SLIT3: variants seen among roughly 807,000 people sequenced by gnomAD.
SLIT3 encodes slit guidance ligand 3.
SLIT3 carries 68 observed loss-of-function variants against 184.0 expected under a neutral mutation model. That is an observed-to-expected ratio of 0.37 (90% CI 0.30 to 0.45). The LOEUF is 0.45. SLIT3 is among the 20% of genes least tolerant of loss of function. The probability of loss-of-function intolerance (pLI) is 1.00; values close to 1 mark genes in which losing one functional copy is unlikely to be tolerated. For missense variants in SLIT3, 1,707 were observed against 2,026.0 expected (o/e 0.84, Z 3.02); for synonymous variants, 831 against 828.6 (o/e 1.00, Z -0.05).
intron 4 of SLIT3, among the ~76,000 whole-genome samples, chr5:169,102,442 A>G (rs1440246399): frequency 3.3e-5 from 5 of 152,224 alleles, no homozygotes; most frequent in Non-Finnish European, 5.9e-5. Flanking sequence ...ATGGTATAGT[A>G]TTTGCATATA....
intron 4 of SLIT3, among the ~76,000 whole-genome samples, chr5:169,131,345 T>C (rs1471492480): frequency 3.9e-5 from 6 of 152,132 alleles, no homozygotes; most frequent in Non-Finnish European, 8.8e-5. Context: ...GAAATGCAGG[T>C]TCTCAGGCCC....
chr5:168,932,347 GACACACACAC>G (rs375350401), intron 4 of SLIT3, among the ~76,000 whole-genome samples: 5,866 of 131,116 alleles, frequency 0.045, 151 homozygotes, highest in African/African-American at 0.082. Flanking sequence ...AGGGGAAAAA[GACACACACAC>G]ACACACACAC....
intron 1 of SLIT3, among the ~76,000 whole-genome samples, chr5:169,284,772 T>TA (rs917395561): frequency 1.3e-5 from 2 of 152,232 alleles, no homozygotes; most frequent in African/African-American, 4.8e-5. Context: ...GTAATTTAGT[T>TA]AGAGCATTGA....
In SLIT3 at chr5:168,685,712, C is replaced by T. The variant is rs1370312145; in HGVS notation, c.3530G>A (p.Arg1177Gln). The T allele has an allele frequency of 7.0e-6, 11 of 1,569,240 alleles. No homozygotes were observed. The highest frequency in any genetic ancestry group is 2.7e-5 in the African/African-American group (2 of 74,532). ...SYVELASAKV[R>Q]PQANISLQVA... is the part of the protein sequence containing the mutation. ...CTGCAGGGAGATGTTGGCCTGGGGT[C>T]GGACCTTGGCGGAGGCCAGTTCCAC... The change falls in exon 31 of 36, where the codon CGA becomes CAA. Residue 1177 changes from arginine to glutamine, a missense_variant. By Grantham distance (43) the Arg-to-Gln change is conservative. This residue lies in a region of SLIT3 where 387 missense variants were observed against 477.9 expected (regional missense o/e 0.81). Transcript: ENST00000519560.
intron 1 of SLIT3, among the ~76,000 whole-genome samples, chr5:169,282,001 C>G (rs1012351761): frequency 6.6e-6 from 1 of 152,160 alleles, no homozygotes; most frequent in Non-Finnish European, 1.5e-5. Flanking sequence ...GACAGCCCAC[C>G]AAACAACAAA....
intron 1 of SLIT3, among the ~76,000 whole-genome samples, chr5:169,286,506 A>G (rs1274731784): frequency 6.6e-6 from 1 of 152,156 alleles, no homozygotes; most frequent in African/African-American, 2.4e-5. Flanking sequence ...GAGGATGCAT[A>G]GGGCTGAAAG....
rs562215621 is a variant in SLIT3, at chr5:169,064,919, G to C, written c.413+128560C>G. ...AGCTTCAGAGGACTTTTCCCTGGCA[G>C]TTTCGAAACTAGAACCCAGCCTAAT... On this transcript the variant is annotated intron_variant, in intron 4 of 35. Transcript: ENST00000519560. Among the ~76,000 whole-genome samples, 10 of 152,302 alleles carry C rather than the reference G, an allele frequency of 6.6e-5. No individual in the cohort carries two copies. In the South Asian group the frequency reaches 2.1e-3, roughly 32 times the overall value.
At chr5:169,268,724 C>T (rs1766491866) in intron 1 of SLIT3, among the ~76,000 whole-genome samples, 1 of 152,204 alleles carries the variant, frequency 6.6e-6, no homozygotes, top group Admixed American at 6.5e-5. Context: ...GCAGCACTTG[C>T]AGAACCTCAG....
chr5:169,144,125 T>C (rs1464313246), intron 4 of SLIT3, among the ~76,000 whole-genome samples: 1 of 152,212 alleles, frequency 6.6e-6, no homozygotes, highest in Non-Finnish European at 1.5e-5. Context: ...AGGGCCATTA[T>C]GGTATCTCTG....
At chr5:168,949,691 C>T (rs1762590398) in intron 4 of SLIT3, among the ~76,000 whole-genome samples, 2 of 152,132 alleles carry the variant, frequency 1.3e-5, no homozygotes, top group African/African-American at 4.8e-5. Flanking sequence ...CCTCAACTTC[C>T]TGGGCTCAGG....
chr5:168,706,249 G>A (rs181558920), intron 26 of SLIT3, among the ~76,000 whole-genome samples: 14 of 152,066 alleles, frequency 9.2e-5, no homozygotes, highest in Admixed American at 1.3e-4. Flanking sequence ...AGTGTATTGC[G>A]TACATTACTG....
intron 4 of SLIT3, among the ~76,000 whole-genome samples, chr5:168,898,139 G>A (rs945459485): frequency 4.6e-5 from 7 of 150,896 alleles, no homozygotes; most frequent in Non-Finnish European, 8.9e-5. Flanking sequence ...AGAATATATC[G>A]ATTCCTGCCC....
chr5:169,003,858 G>C (rs78036967), intron 4 of SLIT3, among the ~76,000 whole-genome samples: 2,026 of 152,234 alleles, frequency 0.013, 101 homozygotes, highest in East Asian at 0.096. Flanking sequence ...GCTTTGACAT[G>C]GTGGCTCTGG....
intron 4 of SLIT3, among the ~76,000 whole-genome samples, chr5:169,176,977 G>C (rs545845180): frequency 6.6e-6 from 1 of 152,326 alleles, no homozygotes; most frequent in Non-Finnish European, 1.5e-5. Context: ...TTGAGAACTG[G>C]AGGTTTAGAT....
chr5:168,794,205 C>A (rs1330554038), intron 10 of SLIT3, among the ~76,000 whole-genome samples: 1 of 152,158 alleles, frequency 6.6e-6, no homozygotes, highest in Non-Finnish European at 1.5e-5. Flanking sequence ...CGAGTCCATG[C>A]ATATTTCTAC....
chr5:169,065,545 T>C (rs1373678866), intron 4 of SLIT3, among the ~76,000 whole-genome samples: 1 of 152,196 alleles, frequency 6.6e-6, no homozygotes, highest in Non-Finnish European at 1.5e-5. Context: ...AGCCTGGCCA[T>C]CAAGACAGTC....
At chr5:168,771,499 A>G (rs1250195304) in intron 14 of SLIT3, among the ~76,000 whole-genome samples, 1 of 152,162 alleles carries the variant, frequency 6.6e-6, no homozygotes, top group Non-Finnish European at 1.5e-5. Flanking sequence ...CCTCTCCTAT[A>G]GAGCAAAGGG....
rs117264344 is a variant in SLIT3 at position 168,685,069 on chromosome 5, G to A, written c.3555+618C>T. On this transcript the variant is annotated intron_variant, in intron 31 of 35. Coordinates refer to ENST00000519560, the MANE Select transcript of SLIT3 (RefSeq NM_003062.4). The stretch of plus-strand genomic sequence containing the variant: ...AGGTTCAAGCGATTCTCATGCCTCC[G>A]CCTCCCAATAGCTGGGATTACAGGC... Among the ~76,000 whole-genome samples the A allele has an allele frequency of 2.9e-3, 448 of 152,168 alleles. 7 individuals are homozygous for A. In the East Asian group the frequency reaches 0.069, roughly 23 times the overall value.
intron 20 of SLIT3, among the ~76,000 whole-genome samples, chr5:168,746,308 G>A (rs928075300): frequency 2.7e-5 from 4 of 147,766 alleles, no homozygotes; most frequent in African/African-American, 7.4e-5. Flanking sequence ...GTGTGGTGGT[G>A]TGGGTGTGGT....
Sources: gnomAD v4.1 joint callset for allele counts (sites outside exome capture counted in the v4.1 genomes callset) on GRCh38, gnomAD v4.1.1 for gene constraint, gnomAD v4.1.1 regional missense constraint, MANE v1.5 for transcripts, NCBI Gene and HGNC (gene_info 2026-07-23, HGNC 2026-07-21) for gene names.